Variants in IL7R observed in about 807,000 individuals in gnomAD.
The protein encoded by IL7R is interleukin-7 receptor subunit alpha.
In IL7R, 38 loss-of-function variants were observed where a neutral mutation model predicts 47.0. The ratio of observed to expected loss-of-function variants is 0.81; its 90% CI spans 0.62 to 1.06. The LOEUF (loss-of-function observed/expected upper bound fraction) is 1.06. IL7R is among the 50% of genes least tolerant of loss of function. The pLI, the probability that IL7R is intolerant of heterozygous loss-of-function variation, is 0.00. For synonymous variants in IL7R, 221 were observed against 199.8 expected (o/e 1.11, Z -0.89); for missense variants, 633 against 534.8 (o/e 1.18, Z -1.81).
chr5:35,870,059 C>T (rs1290461152), intron 3 of IL7R, among the ~76,000 whole-genome samples: 1 of 152,258 alleles, frequency 6.6e-6, no homozygotes, highest in South Asian at 2.1e-4. Context: ...CTGATGAACC[C>T]GCATCTTCTT....
intron 2 of IL7R, 92 bp from the exon 3 acceptor site, chr5:35,867,214 G>C (rs1195531132): frequency 8.4e-7 from 1 of 1,194,002 alleles, no homozygotes; most frequent in African/African-American, 1.5e-5. Flanking sequence ...CAGAGTTAAA[G>C]TCAAACATAC....
intron 3 of IL7R, among the ~76,000 whole-genome samples, chr5:35,868,604 G>A (rs2149899947): frequency 6.6e-6 from 1 of 152,306 alleles, no homozygotes; most frequent in Middle Eastern, 3.4e-3. Context: ...GTTATAAAAA[G>A]TTGGGTTCTG....
intron 4 of IL7R, chr5:35,873,272 A>C: frequency 1.6e-6 from 1 of 608,480 alleles, no homozygotes; most frequent in Non-Finnish European, 3.0e-6. Context: ...CTCCTCCTTG[A>C]CCACTCACAA....
rs548171868 is a variant in IL7R, at chr5:35,876,517, G to A, written c.*31G>A. On this transcript the variant is annotated 3_prime_UTR_variant, in exon 8 of 8. Coordinates refer to ENST00000303115, the MANE Select transcript of IL7R (RefSeq NM_002185.5). ...AAGAAACCCAGACTGAACTTACCGT[G>A]AGCGACAAAGATGATTTAAAAGGGA... is the stretch of plus-strand genomic sequence containing the variant. The A allele has an allele frequency of 6.3e-7, 1 of 1,598,862 alleles. No individual in the cohort carries two copies. The highest frequency in any genetic ancestry group is 1.7e-5 in the Admixed American group (1 of 60,004).
At chr5:35,874,392 C>T in intron 5 of IL7R, 57 bp from the exon 6 acceptor site, 2 of 1,134,124 alleles carry the variant, frequency 1.8e-6, no homozygotes, top group Admixed American at 1.7e-5. Context: ...CACCCTGAGA[C>T]CCTACCCCCA....
rs1020401719 is a variant in IL7R at position 35,871,228 on chromosome 5, T to G, written c.537+15T>G. 6.3e-7 allele frequency: 1 copy of G among 1,596,570 alleles called. No homozygotes were observed. The highest frequency in any genetic ancestry group is 8.6e-7 in the Non-Finnish European group (1 of 1,164,994). ...ACAAATGGACGGTATGTAGTTCAAC[T>G]ACATTAATAAAATAAAAACTTATGA... On this transcript the variant is annotated intron_variant, in intron 4 of 7. Transcript: ENST00000303115.
rs902903702 is a variant in IL7R, at chr5:35,877,360, A to G, written c.*874A>G. On this transcript the variant is annotated 3_prime_UTR_variant, in exon 8 of 8. Coordinates refer to ENST00000303115, the MANE Select transcript of IL7R (RefSeq NM_002185.5). ...TGAAGTCCCATGACCAGCCATGTCA[A>G]AAGAAGGTAAAGAAGTCAAGAAAAA... 1 of 233,120 alleles carries G rather than the reference A, an allele frequency of 4.3e-6. No homozygotes were observed. The highest frequency in any genetic ancestry group is 2.2e-5 in the African/African-American group (1 of 45,354). The allele number at this position is 233,120 out of a possible 1,614,324, so 14.4% of individuals were successfully genotyped here.
intron 2 of IL7R, among the ~76,000 whole-genome samples, chr5:35,862,750 A>G (rs1759850620): frequency 6.6e-6 from 1 of 152,156 alleles, no homozygotes; most frequent in Non-Finnish European, 1.5e-5. Context: ...CAACAGTACC[A>G]GAAACTTGCT....
Position 35,857,008 on chromosome 5 carries a change from G to T in IL7R, c.31G>T (p.Val11Phe), listed in dbSNP as rs1759660556. The change falls in exon 1 of 8, where the codon GTT (valine) becomes TTT (phenylalanine). Residue 11 changes from valine to phenylalanine, a missense_variant. Coordinates refer to ENST00000303115, the MANE Select transcript of IL7R (RefSeq NM_002185.5). ...AATTCTAGGTACAACTTTTGGCATG[G>T]TTTTTTCTTTACTTCAAGTCGTTTC... MTILGTTFGM[V>F]FSLLQVVSGE... 3 of 1,609,748 alleles carry T rather than the reference G, an allele frequency of 1.9e-6. No homozygotes were observed. The highest frequency in any genetic ancestry group is 1.3e-5 in the African/African-American group (1 of 74,940).
chr5:35,868,502 G>T (rs1759995319), intron 3 of IL7R, among the ~76,000 whole-genome samples: 1 of 152,214 alleles, frequency 6.6e-6, no homozygotes, highest in South Asian at 2.1e-4. Context: ...GGCTGTGCAT[G>T]TTGGCCACAC....
chr5:35,862,582 T>C (rs1401251174), intron 2 of IL7R, among the ~76,000 whole-genome samples: 21 of 152,146 alleles, frequency 1.4e-4, no homozygotes, highest in Non-Finnish European at 3.1e-4. Context: ...GTATGAGCTC[T>C]TTAATAGATG....
intron 2 of IL7R, among the ~76,000 whole-genome samples, chr5:35,866,516 A>G (rs1278947389): frequency 2.0e-5 from 3 of 152,122 alleles, no homozygotes; most frequent in East Asian, 3.9e-4. Flanking sequence ...TTACCAGAAT[A>G]TAACCATCAA....
chr5:35,873,778 T>C lies in IL7R; in HGVS notation c.706+130T>C, dbSNP rs956198080. 4 of 836,648 alleles carry C rather than the reference T, an allele frequency of 4.8e-6. No homozygotes were observed. The Admixed American group carries it at 5.4e-5, about 11-fold the overall frequency. 51.8% of individuals were successfully genotyped at this position (836,648 alleles called of 1,614,324 possible). On this transcript the variant is annotated intron_variant, in intron 5 of 7. Transcript: ENST00000303115. ...ACCCTTGGAGGGCACTCTTACACTTTCTTTGGAGAATGACTTGCCTGCTGT... is the reference window on the plus strand; with the variant it reads ...ACCCTTGGAGGGCACTCTTACACTTCCTTTGGAGAATGACTTGCCTGCTGT...
At chr5:35,861,241 C>T (rs1211350534) in intron 2 of IL7R, among the ~76,000 whole-genome samples, 2 of 152,124 alleles carry the variant, frequency 1.3e-5, no homozygotes, top group Admixed American at 6.6e-5. Context: ...TCCCACATCC[C>T]TCCCAACTTC....
chr5:35,872,987 T>A (rs746701296), intron 4 of IL7R, among the ~76,000 whole-genome samples: 2 of 151,972 alleles, frequency 1.3e-5, no homozygotes, highest in Non-Finnish European at 2.9e-5. Flanking sequence ...TAAATAGCAA[T>A]GGACTTCTTT....
chr5:35,857,360 T>A (rs1173147459), intron 1 of IL7R, among the ~76,000 whole-genome samples: 14 of 152,200 alleles, frequency 9.2e-5, no homozygotes, highest in Non-Finnish European at 1.8e-4. Context: ...GTAGATGCTA[T>A]GACTGTACTT....
Position 35,860,856 on chromosome 5 carries a change from C to G in IL7R, c.87C>G (p.Asp29Glu). 6.2e-7 allele frequency: 1 copy of G among 1,613,452 alleles called. No homozygotes were observed. Among genetic ancestry groups the G allele is most frequent in the Non-Finnish European group, 8.5e-7 (1 of 1,179,494 alleles). ...TGCATGTTTGTTCCTCCCCAGGAGA[C>G]TTGGAAGATGCAGAACTGGATGACT... ...SGESGYAQNG[D>E]LEDAELDDYS... The change falls in exon 2 of 8, where the codon GAC (aspartate) becomes GAG (glutamate). Residue 29 changes from aspartate (D) to glutamate (E), a missense_variant. By Grantham distance (45) the Asp-to-Glu change is conservative. Transcript: ENST00000303115.
chr5:35,872,943 T>C lies in IL7R; in HGVS notation c.538-537T>C, dbSNP rs541473811. Among the ~76,000 whole-genome samples, 7 of 151,924 alleles carry C rather than the reference T, an allele frequency of 4.6e-5. No homozygotes were observed. The South Asian group carries it at 8.3e-4, about 18-fold the overall frequency. On this transcript the variant is annotated intron_variant, in intron 4 of 7. Transcript: ENST00000303115. ...GGAATAGATAAATTCAATAAATATA[T>C]GAAAATGAACTAATTATCAAATAAA...
rs1759660556 is a variant in IL7R at position 35,857,008 on chromosome 5, G to A, written c.31G>A (p.Val11Ile). 6.2e-7 allele frequency: 1 copy of A among 1,609,630 alleles called. No homozygotes were observed. Among genetic ancestry groups the A allele is most frequent in the African/African-American group, 1.3e-5 (1 of 74,818 alleles). The change falls in exon 1 of 8, where the codon GTT (valine) becomes ATT (isoleucine). Residue 11 changes from valine to isoleucine, a missense_variant. Transcript: ENST00000303115. Reference sequence around the variant, plus strand: ...AATTCTAGGTACAACTTTTGGCATGGTTTTTTCTTTACTTCAAGTCGTTTC... The same window carrying A: ...AATTCTAGGTACAACTTTTGGCATGATTTTTTCTTTACTTCAAGTCGTTTC... MTILGTTFGM[V>I]FSLLQVVSGE...
Sources: allele counts gnomAD v4.1 joint callset (sites outside exome capture counted in the v4.1 genomes callset), GRCh38; gene constraint gnomAD v4.1.1; transcripts MANE v1.5; gene names NCBI Gene and HGNC (gene_info 2026-07-23, HGNC 2026-07-21).